TTC29: variants seen among roughly 807,000 people sequenced by gnomAD.
TTC29 encodes tetratricopeptide repeat protein 29.
Under a neutral mutation model 58.1 loss-of-function variants are expected in TTC29, and 49 were observed. The ratio of observed to expected loss-of-function variants is 0.84; its 90% CI spans 0.67 to 1.07. The LOEUF (loss-of-function observed/expected upper bound fraction) is 1.07, where lower values mean the gene tolerates loss of function less well. Among genes scored for constraint, TTC29 ranks in the 50% least tolerant of loss-of-function variants. The pLI is 0.00. For synonymous variants in TTC29, 209 were observed against 196.8 expected (o/e 1.06, Z -0.52); for missense variants, 582 against 555.6 (o/e 1.05, Z -0.48).
At chr4:146,832,446 G>A (rs79831592) in intron 9 of TTC29, among the ~76,000 whole-genome samples, 9,565 of 152,066 alleles carry the variant, frequency 0.063, 402 homozygotes, top group Admixed American at 0.13. Context: ...TCCATGACTG[G>A]CTCTGTCTTT....
intron 6 of TTC29, among the ~76,000 whole-genome samples, chr4:146,876,263 T>C (rs969592070): frequency 1.3e-4 from 20 of 152,324 alleles, no homozygotes; most frequent in African/African-American, 4.8e-4. Context: ...GCTAATGTTA[T>C]CAATTGGTAC....
At chr4:146,927,529 A>G (rs1455278983) in intron 4 of TTC29, among the ~76,000 whole-genome samples, 2 of 152,230 alleles carry the variant, frequency 1.3e-5, no homozygotes, top group East Asian at 3.9e-4. Flanking sequence ...ATCACTACCC[A>G]CTAATGAGTC....
Position 146,925,529 on chromosome 4 carries a change from A to T in TTC29, c.176+12065T>A, listed in dbSNP as rs371987684. 9.1e-4 allele frequency among the ~76,000 whole-genome samples: 138 copies of T among 152,238 alleles called. 1 individual carries two copies. Among genetic ancestry groups the T allele is most frequent in the African/African-American group, 3.2e-3 (133 of 41,562 alleles). Reference sequence around the variant, plus strand: ...GTTTTCTCTCCTTCCTTATCATGGTAAGAATTTATTATCCTTTGTACTTCT... The same window carrying T: ...GTTTTCTCTCCTTCCTTATCATGGTTAGAATTTATTATCCTTTGTACTTCT... On this transcript the variant is annotated intron_variant, in intron 4 of 12. Coordinates refer to ENST00000325106, the MANE Select transcript of TTC29 (RefSeq NM_031956.4).
At chr4:146,717,741 T>C (rs1743039398) in intron 11 of TTC29, among the ~76,000 whole-genome samples, 1 of 152,190 alleles carries the variant, frequency 6.6e-6, no homozygotes, top group Non-Finnish European at 1.5e-5. Flanking sequence ...CATTTTTTTA[T>C]GGTGAGAGCA....
intron 11 of TTC29, among the ~76,000 whole-genome samples, chr4:146,760,338 A>G (rs1004764066): frequency 6.6e-6 from 1 of 152,158 alleles, no homozygotes; most frequent in Non-Finnish European, 1.5e-5. Context: ...GGTAGAATCA[A>G]TATTGTGAAA....
rs1554006105 is a variant in TTC29 at position 146,728,826 on chromosome 4, CAT to C, written c.1331-21277_1331-21276del. On this transcript the variant is annotated intron_variant, in intron 11 of 12. Transcript: ENST00000325106. ...ATACACATATATATGTGTATATATA[CAT>C]ATATATACACATATATATGTATATA... Among the ~76,000 whole-genome samples the C allele has an allele frequency of 2.4e-3, 222 of 91,772 alleles. 19 individuals carry two copies. The highest frequency in any genetic ancestry group is 0.013 in the Middle Eastern group (2 of 152). 60.2% of individuals were successfully genotyped at this position (91,772 alleles called of 152,430 possible).
intron 11 of TTC29, among the ~76,000 whole-genome samples, chr4:146,749,343 A>C (rs1240492897): frequency 6.6e-6 from 1 of 151,998 alleles, no homozygotes; most frequent in Non-Finnish European, 1.5e-5. Flanking sequence ...AAAGAACAAA[A>C]CAAATTTGGA....
intron 6 of TTC29, among the ~76,000 whole-genome samples, chr4:146,880,782 A>G (rs1157348557): frequency 6.6e-6 from 1 of 152,040 alleles, no homozygotes; most frequent in Non-Finnish European, 1.5e-5. Flanking sequence ...TTTGATGCAC[A>G]TTTTTGATTC....
intron 8 of TTC29, among the ~76,000 whole-genome samples, chr4:146,859,010 A>G (rs1730055368): frequency 6.6e-6 from 1 of 152,180 alleles, no homozygotes; most frequent in African/African-American, 2.4e-5. Context: ...CTAACGATCA[A>G]AGATTTGATA....
At chr4:146,712,860 G>A (rs1742613007) in intron 11 of TTC29, among the ~76,000 whole-genome samples, 1 of 152,074 alleles carries the variant, frequency 6.6e-6, no homozygotes, top group Non-Finnish European at 1.5e-5. Context: ...TGAGGGCAGA[G>A]ATTTAGAAAA....
At chr4:146,724,745 C>G (rs1467260379) in intron 11 of TTC29, among the ~76,000 whole-genome samples, 2 of 152,092 alleles carry the variant, frequency 1.3e-5, no homozygotes, top group East Asian at 3.9e-4. Context: ...AGCTCCTGAC[C>G]TCAGGTGATC....
At chr4:146,906,277 T>C (rs773781468) in intron 5 of TTC29, among the ~76,000 whole-genome samples, 40 of 152,226 alleles carry the variant, frequency 2.6e-4, no homozygotes, top group Admixed American at 1.6e-3. Context: ...AAGTGTTTTA[T>C]AAAGTAATTT....
At chr4:146,774,323 T>G (rs1747938765) in intron 11 of TTC29, among the ~76,000 whole-genome samples, 2 of 152,114 alleles carry the variant, frequency 1.3e-5, no homozygotes, top group Admixed American at 1.3e-4. Context: ...TGATGTTATG[T>G]TGTTAATGAG....
At chr4:146,785,194 C>CT (rs35617737) in intron 11 of TTC29, among the ~76,000 whole-genome samples, 94,237 of 137,532 alleles carry the variant, frequency 0.69, 33,066 homozygotes, top group African/African-American at 0.85. Flanking sequence ...AACTTGCTGC[C>CT]TTTTTTTTTT....
chr4:146,730,616 GGAA>G (rs1744258315), intron 11 of TTC29, among the ~76,000 whole-genome samples: 1 of 152,182 alleles, frequency 6.6e-6, no homozygotes, highest in African/African-American at 2.4e-5. Flanking sequence ...CAGCTAGTGA[GGAA>G]GAAGGAGCCA....
chr4:146,907,395 G>T (rs1419210585), intron 5 of TTC29, among the ~76,000 whole-genome samples: 1 of 152,124 alleles, frequency 6.6e-6, no homozygotes, highest in Non-Finnish European at 1.5e-5. Context: ...AAATTCAATG[G>T]AATAAAACAG....
intron 11 of TTC29, among the ~76,000 whole-genome samples, chr4:146,745,098 C>A (rs1453952863): frequency 6.6e-6 from 1 of 152,184 alleles, no homozygotes; most frequent in Non-Finnish European, 1.5e-5. Flanking sequence ...TTCTATCGAG[C>A]ACATGCCATG....
At chr4:146,786,892 T>C (rs1440098475) in intron 11 of TTC29, among the ~76,000 whole-genome samples, 1 of 151,966 alleles carries the variant, frequency 6.6e-6, no homozygotes, top group Non-Finnish European at 1.5e-5. Context: ...GCAGGAGGAT[T>C]GCTTGAGGCT....
At chr4:146,938,415 G>A (rs1048736963) in intron 3 of TTC29, among the ~76,000 whole-genome samples, 4 of 152,036 alleles carry the variant, frequency 2.6e-5, no homozygotes, top group South Asian at 2.1e-4. Flanking sequence ...ACAAGAAAAC[G>A]TTTTCTTTAA....
Sources: gnomAD v4.1 joint callset for allele counts (sites outside exome capture counted in the v4.1 genomes callset) on GRCh38, gnomAD v4.1.1 for gene constraint, MANE v1.5 for transcripts, NCBI Gene and HGNC (gene_info 2026-07-23, HGNC 2026-07-21) for gene names.